Variants in TSPEAR observed in about 807,000 individuals in gnomAD.
The protein encoded by TSPEAR is thrombospondin-type laminin G domain and EAR repeat-containing protein.
TSPEAR carries 69 observed loss-of-function variants against 71.6 expected under a neutral mutation model. That is an observed-to-expected ratio of 0.96 (90% CI 0.79 to 1.18). TSPEAR has a LOEUF of 1.18. Among genes scored for constraint, TSPEAR ranks in the 50% most tolerant of loss-of-function variants. TSPEAR has a pLI of 0.00. For synonymous variants in TSPEAR, 402 were observed against 387.2 expected (o/e 1.04, Z -0.45); for missense variants, 971 against 894.9 (o/e 1.09, Z -1.09).
At chr21:44,588,730 A>G (rs28783492) in intron 1 of TSPEAR, among the ~76,000 whole-genome samples, 2 of 23,032 alleles carry the variant, frequency 8.7e-5, no homozygotes, top group Non-Finnish European at 2.3e-4. Context: ...ATGTGTGTGT[A>G]TATATGTATA....
chr21:44,612,512 T>C lies in TSPEAR; in HGVS notation c.83-44507A>G, dbSNP rs1569219119. ...CAAGCCCGTGTGCTGCGTGTCCATC[T>C]GCTCTGGAGCTTCCTCCCCATGCTG... On this transcript the variant is annotated intron_variant, in intron 1 of 11. Transcript: ENST00000323084. The surrounding 1 kb of genome is among the most constrained non-coding windows in gnomAD (Gnocchi z 4.1). 3.1e-6 allele frequency: 5 copies of C among 1,609,754 alleles called. No individual in the cohort carries two copies. The highest frequency in any genetic ancestry group is 3.3e-5 in the Admixed American group (2 of 59,788).
chr21:44,622,952 C>T (rs1443564347), intron 1 of TSPEAR, among the ~76,000 whole-genome samples: 5 of 152,056 alleles, frequency 3.3e-5, no homozygotes, highest in South Asian at 2.1e-4. Flanking sequence ...TCTGGTTAAG[C>T]GTGTAGCACC....
chr21:44,651,504 A>C (rs1984790321), intron 1 of TSPEAR, among the ~76,000 whole-genome samples: 1 of 152,106 alleles, frequency 6.6e-6, no homozygotes, highest in African/African-American at 2.4e-5. Flanking sequence ...GCAGGAGAGA[A>C]TCTTTCCTCA....
chr21:44,517,055 C>T (rs1210411729), intron 9 of TSPEAR, among the ~76,000 whole-genome samples: 2 of 152,218 alleles, frequency 1.3e-5, no homozygotes, highest in African/African-American at 2.4e-5. Context: ...CCTTCCTCGA[C>T]TCCTGCAGTC....
chr21:44,601,697 G>C (rs782094763), intron 1 of TSPEAR: 26 of 1,612,086 alleles, frequency 1.6e-5, no homozygotes. Context: ...CGCCCGGCCT[G>C]CTGTGGCCCC....
At chr21:44,504,337 A>T (rs2052140455) in intron 11 of TSPEAR, among the ~76,000 whole-genome samples, 2 of 125,946 alleles carry the variant, frequency 1.6e-5, no homozygotes, top group African/African-American at 6.3e-5. Context: ...CACTGGGAGG[A>T]AGCTGGCCTC....
intron 8 of TSPEAR, among the ~76,000 whole-genome samples, chr21:44,522,432 C>T (rs587664651): frequency 2.6e-5 from 4 of 152,312 alleles, no homozygotes; most frequent in East Asian, 3.9e-4. Flanking sequence ...CCGCTGCCCA[C>T]GGCTCTCCAG....
At chr21:44,614,595 C>T (rs2146180422) in intron 1 of TSPEAR, among the ~76,000 whole-genome samples, 1 of 152,360 alleles carries the variant, frequency 6.6e-6, no homozygotes, top group Non-Finnish European at 1.5e-5. Context: ...ACTGGCCCCT[C>T]TCCCCTCTGA....
intron 3 of TSPEAR, among the ~76,000 whole-genome samples, chr21:44,532,368 G>A (rs17004666): frequency 0.038 from 5,720 of 152,230 alleles, 387 homozygotes; most frequent in African/African-American, 0.13. Flanking sequence ...CAGCATTCAC[G>A]TCCAGCCAGG....
chr21:44,685,420 C>G (rs1376702448), intron 1 of TSPEAR, among the ~76,000 whole-genome samples: 1 of 152,090 alleles, frequency 6.6e-6, no homozygotes, highest in Non-Finnish European at 1.5e-5. Context: ...ACCAGCTCCT[C>G]ACTTTCCCCC....
chr21:44,603,576 G>C (rs2146157450), intron 1 of TSPEAR, among the ~76,000 whole-genome samples: 1 of 152,330 alleles, frequency 6.6e-6, no homozygotes, highest in Admixed American at 6.5e-5. Flanking sequence ...GAACTTCAGG[G>C]GAGGTGTGCT....
chr21:44,499,466 T>G lies in TSPEAR; in HGVS notation c.*317A>C. 3.3e-6 allele frequency: 1 copy of G among 305,604 alleles called. No homozygotes were observed. The allele number at this position is 305,604 out of a possible 1,614,324, so 18.9% of individuals were successfully genotyped here. ...GGACATGAACCGAGGTCCTGTTGTTTGAGGTAAAAATGTATAGAAACGGTT... is the reference window on the plus strand; with the variant it reads ...GGACATGAACCGAGGTCCTGTTGTTGGAGGTAAAAATGTATAGAAACGGTT... On this transcript the variant is annotated 3_prime_UTR_variant, in exon 12 of 12. Coordinates refer to ENST00000323084, the MANE Select transcript of TSPEAR (RefSeq NM_144991.3).
At chr21:44,607,422 C>T (rs1981382263) in intron 1 of TSPEAR, among the ~76,000 whole-genome samples, 1 of 152,114 alleles carries the variant, frequency 6.6e-6, no homozygotes, top group Admixed American at 6.5e-5. Context: ...CAAAACATCA[C>T]ATTATACCTA....
rs1273987558 is a variant in TSPEAR, at chr21:44,505,667, A to G, written c.1755-786T>C. Among the ~76,000 whole-genome samples the G allele has an allele frequency of 1.3e-5, 2 of 148,580 alleles. 1 individual carries two copies. ...CCTCATATGAATGGAATCGCACGGT[A>G]TTTGTCCTTTGTGTCTGCCTTAGCT... On this transcript the variant is annotated intron_variant, in intron 10 of 11. Transcript: ENST00000323084.
chr21:44,591,292 T>C, intron 1 of TSPEAR: 1 of 1,487,098 alleles, frequency 6.7e-7, no homozygotes, highest in Non-Finnish European at 9.0e-7. Context: ...TGCCCCATCT[T>C]CTGAGGGTGT....
At chr21:44,643,075 A>G (rs1395242760) in intron 1 of TSPEAR, among the ~76,000 whole-genome samples, 1 of 152,236 alleles carries the variant, frequency 6.6e-6, no homozygotes, top group Non-Finnish European at 1.5e-5. Context: ...AATACGATTC[A>G]GCCATAGAAA....
At chr21:44,556,095 G>A (rs73907024) in intron 2 of TSPEAR, among the ~76,000 whole-genome samples, 2,092 of 152,312 alleles carry the variant, frequency 0.014, 55 homozygotes, top group African/African-American at 0.046. Flanking sequence ...TTAAGAAGTC[G>A]TGCCGGGCAC....
At chr21:44,594,775 T>C (rs1980246932) in intron 1 of TSPEAR, among the ~76,000 whole-genome samples, 1 of 151,770 alleles carries the variant, frequency 6.6e-6, no homozygotes, top group Non-Finnish European at 1.5e-5. Context: ...TGTGCCCCTT[T>C]AGAAGAAACA....
At chr21:44,581,648 A>G (rs1477174629) in intron 1 of TSPEAR, among the ~76,000 whole-genome samples, 1 of 150,754 alleles carries the variant, frequency 6.6e-6, no homozygotes, top group East Asian at 2.0e-4. Flanking sequence ...GAGCCTTTCA[A>G]TGTGGAGACT....
Sources: gnomAD v4.1 joint callset for allele counts (sites outside exome capture counted in the v4.1 genomes callset) on GRCh38, gnomAD v4.1.1 for gene constraint, Gnocchi (gnomAD v3.1) non-coding constraint, MANE v1.5 for transcripts, NCBI Gene and HGNC (gene_info 2026-07-23, HGNC 2026-07-21) for gene names.